MTRR: variants seen among roughly 807,000 people sequenced by gnomAD.
The protein encoded by MTRR is methionine synthase reductase.
In MTRR, 63 loss-of-function variants were observed where a neutral mutation model predicts 79.2. That is an observed-to-expected ratio of 0.80 (90% confidence interval 0.65 to 0.98). The LOEUF (loss-of-function observed/expected upper bound fraction) is 0.98, where lower values mean the gene tolerates loss of function less well. MTRR is among the 50% of genes least tolerant of loss of function. The pLI, the probability that MTRR is intolerant of heterozygous loss-of-function variation, is 0.00. For synonymous variants in MTRR, 355 were observed against 313.3 expected (o/e 1.13, Z -1.41); for missense variants, 895 against 839.6 (o/e 1.07, Z -0.82).
At chr5:7,865,262 C>A (rs889541045), upstream of MTRR, among the ~76,000 whole-genome samples, 1 of 152,046 alleles carries the variant, frequency 6.6e-6, no homozygotes, top group African/African-American at 2.4e-5. Context: ...ACTGTCTAAG[C>A]TGTTTTAAAA....
upstream of MTRR, chr5:7,867,558 T>C (rs200724137): frequency 1.6e-5 from 26 of 1,614,150 alleles, no homozygotes; most frequent in Non-Finnish European, 1.9e-5. Flanking sequence ...ACTAAACTAG[T>C]GTTTGACAGC....
At chr5:7,866,678 AT>A (rs1746975067), upstream of MTRR, 2 of 1,597,646 alleles carry the variant, frequency 1.3e-6, no homozygotes, top group Non-Finnish European at 1.7e-6. Context: ...AGGCTTGAAT[AT>A]TTTTGCCAGA....
chr5:7,886,462 G>T, intron 7 of MTRR, 153 bp from the exon 8 acceptor site: 5 of 648,044 alleles, frequency 7.7e-6, no homozygotes, highest in South Asian at 1.8e-5. Flanking sequence ...TTCATTTTGG[G>T]GAATTTTTTT....
intron 10 of MTRR, 90 bp downstream of exon 10, chr5:7,891,504 C>A: frequency 9.0e-7 from 1 of 1,109,330 alleles, no homozygotes; most frequent in Non-Finnish European, 1.4e-6. Flanking sequence ...CTAATTTATT[C>A]AGTGAAAACT....
At chr5:7,869,059 A>C, upstream of MTRR, 1 of 1,547,684 alleles carries the variant, frequency 6.5e-7, no homozygotes, top group Non-Finnish European at 8.9e-7. Context: ...GCGGGGCGGG[A>C]GCACGACTCA....
At chr5:7,899,629 G>A (rs150657804) in intron 14 of MTRR, among the ~76,000 whole-genome samples, 452 of 152,316 alleles carry the variant, frequency 3.0e-3, no homozygotes, top group Middle Eastern at 6.8e-3. Flanking sequence ...GACCTCAGAT[G>A]CTTCTCTGAC....
At chr5:7,880,711 A>G (rs2126712114) in intron 5 of MTRR, among the ~76,000 whole-genome samples, 1 of 152,256 alleles carries the variant, frequency 6.6e-6, no homozygotes, top group African/African-American at 2.4e-5. Context: ...CCCCATGATG[A>G]TAGATCTTAA....
At chr5:7,869,425 G>A in intron 1 of MTRR, 1 of 588,694 alleles carries the variant, frequency 1.7e-6, no homozygotes, top group Non-Finnish European at 3.0e-6. Flanking sequence ...CGTGTCCTTG[G>A]GCTCGGCGTC....
At chr5:7,887,853 G>T (rs1736889830) in intron 8 of MTRR, among the ~76,000 whole-genome samples, 1 of 112,982 alleles carries the variant, frequency 8.9e-6, no homozygotes, top group African/African-American at 4.0e-5. Context: ...AAAATAGTAT[G>T]CTCATTGGAA....
At chr5:7,865,475 T>C (rs2126608247), upstream of MTRR, among the ~76,000 whole-genome samples, 1 of 152,290 alleles carries the variant, frequency 6.6e-6, no homozygotes, top group South Asian at 2.1e-4. Flanking sequence ...AACTAAACTC[T>C]ATTAGATAAA....
chr5:7,875,486 C>T (rs969972112), intron 4 of MTRR, 111 bp downstream of exon 4: 27 of 981,218 alleles, frequency 2.8e-5, no homozygotes, highest in African/African-American at 2.1e-4. Flanking sequence ...TCATGTTTTA[C>T]TTTTGTTCGC....
intron 5 of MTRR, among the ~76,000 whole-genome samples, chr5:7,881,698 G>A (rs1448689660): frequency 6.6e-6 from 1 of 152,072 alleles, no homozygotes; most frequent in East Asian, 1.9e-4. Flanking sequence ...CCCTGGCTTA[G>A]TTCTATTTTA....
chr5:7,864,734 A>G (rs1337973826), upstream of MTRR, among the ~76,000 whole-genome samples: 2 of 152,144 alleles, frequency 1.3e-5, no homozygotes, highest in East Asian at 3.8e-4. Context: ...GAGACTACTA[A>G]CACACTGCAA....
intron 1 of MTRR, among the ~76,000 whole-genome samples, chr5:7,853,965 G>A (rs1290617323): frequency 6.6e-6 from 1 of 152,170 alleles, no homozygotes; most frequent in Non-Finnish European, 1.5e-5. Context: ...GAGGCCCTGA[G>A]GATGCAGGGC....
In MTRR at chr5:7,854,001, T is replaced by C. The variant is rs566304795; in HGVS notation, n.391+2416T>C. On this transcript the variant is annotated intron_variant and non_coding_transcript_variant, in intron 1 of 3. Transcript: ENST00000502509. ...AGGTTACCAGAGACAGATGAAACCA[T>C]GGGCAAGGCAGACTTTGGCAATTTT... Among the ~76,000 whole-genome samples, 6 of 152,264 alleles carry C rather than the reference T, an allele frequency of 3.9e-5. No homozygotes were observed. In the South Asian group the frequency reaches 6.2e-4, roughly 16 times the overall value.
upstream of MTRR, chr5:7,867,752 GAAGTC>G: frequency 6.2e-7 from 1 of 1,614,182 alleles, no homozygotes; most frequent in Non-Finnish European, 8.5e-7. Context: ...TTCTTCTGAT[GAAGTC>G]AAGTTGCTCA....
upstream of MTRR, chr5:7,866,118 T>C (rs763651743): frequency 1.5e-6 from 1 of 652,152 alleles, no homozygotes; most frequent in Non-Finnish European, 2.6e-6. Context: ...TGAAATGAAC[T>C]TGTTAGAATT....
chr5:7,873,228 A>G (rs1325812926), intron 2 of MTRR, 145 bp from the exon 3 acceptor site: 1 of 923,586 alleles, frequency 1.1e-6, no homozygotes, highest in Non-Finnish European at 1.8e-6. Flanking sequence ...GAGAGCGCCT[A>G]GTCACTGGAC....
chr5:7,889,360 G>T, intron 9 of MTRR, 85 bp downstream of exon 9: 2 of 1,462,544 alleles, frequency 1.4e-6, no homozygotes, highest in South Asian at 1.2e-5. Context: ...AAAATTTGCT[G>T]CTCTTGTCTT....
Sources: allele counts gnomAD v4.1 joint callset (sites outside exome capture counted in the v4.1 genomes callset), GRCh38; gene constraint gnomAD v4.1.1; transcripts MANE v1.5; gene names NCBI Gene and HGNC (gene_info 2026-07-23, HGNC 2026-07-21).